GNA12: variants seen among roughly 807,000 people sequenced by gnomAD.
GNA12 encodes guanine nucleotide-binding protein subunit alpha-12.
Under a neutral mutation model 26.0 loss-of-function variants are expected in GNA12, and 9 were observed. The observed-to-expected ratio is 0.35, with a 90% CI of 0.21 to 0.60. The LOEUF (loss-of-function observed/expected upper bound fraction) is 0.60. Ranked by LOEUF, GNA12 falls within the 20% of genes least tolerant of loss-of-function variation. The pLI, the probability that GNA12 is intolerant of heterozygous loss-of-function variation, is 0.78. For missense variants in GNA12, 405 were observed against 525.8 expected (o/e 0.77, Z 2.25); for synonymous variants, 264 against 219.6 (o/e 1.20, Z -1.79).
chr7:2,735,272 TGA>T (rs770137519), intron 2 of GNA12, among the ~76,000 whole-genome samples: 45 of 152,274 alleles, frequency 3.0e-4, no homozygotes, highest in Middle Eastern at 6.8e-3. Flanking sequence ...CCCAGGGAGC[TGA>T]GAGTAGCAGC....
At chr7:2,778,954 C>A (rs762477443) in intron 2 of GNA12, among the ~76,000 whole-genome samples, 11 of 152,144 alleles carry the variant, frequency 7.2e-5, no homozygotes, top group Non-Finnish European at 1.6e-4. Context: ...TTATATTTAA[C>A]CAGAATTATT....
chr7:2,758,693 C>G (rs1791415673), intron 2 of GNA12, among the ~76,000 whole-genome samples: 1 of 152,192 alleles, frequency 6.6e-6, no homozygotes, highest in African/African-American at 2.4e-5. Flanking sequence ...GAGGTTGGTG[C>G]CTGTGTAGCA....
At chr7:2,833,783 C>T (rs74658609) in intron 1 of GNA12, among the ~76,000 whole-genome samples, 1,670 of 152,188 alleles carry the variant, frequency 0.011, 34 homozygotes, top group African/African-American at 0.037. Context: ...TCTGCCGCCA[C>T]GCAAACCCGC....
chr7:2,800,362 A>G (rs1348237438), intron 1 of GNA12, among the ~76,000 whole-genome samples: 1 of 152,228 alleles, frequency 6.6e-6, no homozygotes, highest in African/African-American at 2.4e-5. Context: ...AGAAAGGGGC[A>G]ACACGAGGAG....
intron 2 of GNA12, among the ~76,000 whole-genome samples, chr7:2,764,362 C>G (rs745799753): frequency 6.6e-6 from 1 of 151,868 alleles, no homozygotes; most frequent in Admixed American, 6.6e-5. Context: ...GGATTCCAGG[C>G]GTGTGCTCCC....
At position 2,728,188 on chromosome 7, in the gene GNA12, C is replaced by G. The variant is rs1789706095; in HGVS notation, c.*2993G>C. 6.6e-6 allele frequency: 1 copy of G among 152,280 alleles called. No homozygotes were observed. The highest frequency in any genetic ancestry group is 2.4e-5 in the African/African-American group (1 of 41,416). 9.4% of individuals were successfully genotyped at this position (152,280 alleles called of 1,614,324 possible). A position where few individuals can be genotyped will look rare whatever the true frequency, so the allele number is the denominator to read the frequency against. On this transcript the variant is annotated 3_prime_UTR_variant, in exon 4 of 4. Coordinates refer to ENST00000275364, the MANE Select transcript of GNA12 (RefSeq NM_007353.3). Reference sequence around the variant, plus strand: ...TGGCCAAATTTTCAAGCCAGACCCTCCCAATGTTAATACACTGTGCAAAGC... The same window carrying G: ...TGGCCAAATTTTCAAGCCAGACCCTGCCAATGTTAATACACTGTGCAAAGC...
chr7:2,803,226 C>G (rs1369513081), intron 1 of GNA12, among the ~76,000 whole-genome samples: 2 of 152,206 alleles, frequency 1.3e-5, no homozygotes, highest in African/African-American at 4.8e-5. Flanking sequence ...AGCCCCATAA[C>G]TGGAAGGACA....
At chr7:2,798,953 T>C (rs1335772784) in intron 1 of GNA12, among the ~76,000 whole-genome samples, 1 of 148,978 alleles carries the variant, frequency 6.7e-6, no homozygotes, top group Non-Finnish European at 1.5e-5. Flanking sequence ...GTAAAGAAAA[T>C]TGGGGGGAGC....
chr7:2,774,287 ATATG>A (rs2115425680), intron 2 of GNA12, among the ~76,000 whole-genome samples: 1 of 152,354 alleles, frequency 6.6e-6, no homozygotes, highest in East Asian at 1.9e-4. Context: ...GTGTGTATAT[ATATG>A]TAATTCTCCA....
intron 1 of GNA12, chr7:2,815,250 C>T (rs1378962246): frequency 7.0e-6 from 2 of 284,950 alleles, no homozygotes; most frequent in Non-Finnish European, 1.3e-5. Flanking sequence ...GTCAAGGAGG[C>T]TGCTTAAATG....
intron 2 of GNA12, among the ~76,000 whole-genome samples, chr7:2,774,183 C>T (rs1792017986): frequency 6.6e-6 from 1 of 152,104 alleles, no homozygotes; most frequent in South Asian, 2.1e-4. Flanking sequence ...GCAGGTCACA[C>T]AATCTGCTCA....
chr7:2,768,691 A>AAAAAAAAAAAAAC (rs1562418608), intron 2 of GNA12, among the ~76,000 whole-genome samples: 1 of 142,590 alleles, frequency 7.0e-6, no homozygotes, highest in African/African-American at 2.6e-5. Context: ...ACAAAACAAA[A>AAAAAAAAAAAAAC]AAAAAAACAG....
chr7:2,810,093 T>C (rs1401492871), intron 1 of GNA12, among the ~76,000 whole-genome samples: 1 of 152,206 alleles, frequency 6.6e-6, no homozygotes, highest in Non-Finnish European at 1.5e-5. Flanking sequence ...CAGCTGAATA[T>C]TTCAGGTTCG....
chr7:2,819,921 C>T (rs1032582043), intron 1 of GNA12, among the ~76,000 whole-genome samples: 11 of 152,174 alleles, frequency 7.2e-5, no homozygotes, highest in African/African-American at 2.7e-4. Flanking sequence ...AAAACCCGCA[C>T]ATGGATGTTT....
chr7:2,807,977 C>T (rs970483715), intron 1 of GNA12, among the ~76,000 whole-genome samples: 1 of 152,206 alleles, frequency 6.6e-6, no homozygotes, highest in Non-Finnish European at 1.5e-5. Flanking sequence ...GGTGAAAGTA[C>T]CACAAGCTCC....
intron 1 of GNA12, among the ~76,000 whole-genome samples, chr7:2,821,713 C>T (rs185983897): frequency 3.3e-5 from 5 of 152,346 alleles, no homozygotes; most frequent in Non-Finnish European, 5.9e-5. Context: ...AGCTCTTTCC[C>T]TTCCTGTGGC....
At chr7:2,787,522 G>A (rs1277214725) in intron 2 of GNA12, among the ~76,000 whole-genome samples, 3 of 152,168 alleles carry the variant, frequency 2.0e-5, no homozygotes, top group African/African-American at 7.2e-5. Context: ...CATTCTTCCA[G>A]CTACAACACT....
At chr7:2,771,405 T>C (rs1315840349) in intron 2 of GNA12, among the ~76,000 whole-genome samples, 1 of 152,154 alleles carries the variant, frequency 6.6e-6, no homozygotes. Context: ...GCCAAGATCA[T>C]GAGCAAACAC....
rs527495561 is a variant in GNA12, at chr7:2,762,394, C to T, written c.526-28893G>A. On this transcript the variant is annotated intron_variant, in intron 2 of 3. Coordinates refer to ENST00000275364, the MANE Select transcript of GNA12 (RefSeq NM_007353.3). ...GGTATGGCGGTTCCCACTTTCCTCA[C>T]TGAGGAAACCAAAGCTTAGACGTTA... 288 of 453,422 alleles carry T rather than the reference C, an allele frequency of 6.4e-4. 3 individuals are homozygous for T. Among genetic ancestry groups the T allele is most frequent in the African/African-American group, 5.5e-3 (273 of 49,432 alleles). 28.1% of individuals were successfully genotyped at this position (453,422 alleles called of 1,614,324 possible).
Sources: allele counts gnomAD v4.1 joint callset (sites outside exome capture counted in the v4.1 genomes callset), GRCh38; gene constraint gnomAD v4.1.1; transcripts MANE v1.5; gene names NCBI Gene and HGNC (gene_info 2026-07-23, HGNC 2026-07-21).